Variants in FCHO1 observed in about 807,000 individuals in gnomAD.
The protein encoded by FCHO1 is F-BAR domain only protein 1.
A neutral mutation model predicts 114.4 loss-of-function variants in FCHO1; 45 were observed. The observed-to-expected ratio is 0.39, with a 90% CI of 0.31 to 0.50. FCHO1 has a LOEUF of 0.50. Ranked by LOEUF, FCHO1 falls within the 20% of genes least tolerant of loss-of-function variation. FCHO1 has a pLI of 0.77. For synonymous variants in FCHO1, 480 were observed against 488.9 expected (o/e 0.98, Z 0.24); for missense variants, 1,042 against 1,209.6 (o/e 0.86, Z 2.06).
rs760495681 is a variant in FCHO1, at chr19:17,784,848, C to T, written c.2350C>T (p.Pro784Ser). Residue 784 changes from proline (P) to serine (S), a missense_variant, in exon 26 of 29, where the codon CCA becomes TCA. Around this residue, in one of 3 missense-constraint regions of FCHO1, gnomAD observed 137 missense variants for 190.0 expected, o/e 0.72. Transcript: ENST00000596536. The surrounding 1 kb of genome is among the most constrained non-coding windows in gnomAD (Gnocchi z 5.3). ...GCCCGGTGCCACGGCTGTGCCCACACCACTCACGAACGTCCAGATCCTGCT... is the reference window on the plus strand; with the variant it reads ...GCCCGGTGCCACGGCTGTGCCCACATCACTCACGAACGTCCAGATCCTGCT... Reference protein sequence around the residue: ...YRPGATAVPTPLTNVQILLPV... With the variant: ...YRPGATAVPTSLTNVQILLPV... 7.7e-5 allele frequency: 124 copies of T among 1,613,786 alleles called. No individual in the cohort carries two copies. The highest frequency in any genetic ancestry group is 1.8e-4 in the South Asian group (16 of 91,096).
rs1433210035 is a variant in FCHO1, at chr19:17,754,590, A to C, written c.-137-2A>C. On this transcript the variant is annotated splice_acceptor_variant, in intron 2 of 28. Transcript: ENST00000596536. LOFTEE classifies it low-confidence loss of function (5UTR_SPLICE). Reference sequence around the variant, plus strand: ...ATTTCTCTTCAAACCCTTTTCCTGCAGGAGCTGCCTGGAGTGGAGCTGAGA... The same window carrying C: ...ATTTCTCTTCAAACCCTTTTCCTGCCGGAGCTGCCTGGAGTGGAGCTGAGA... 6.4e-6 allele frequency: 1 copy of C among 155,850 alleles called. No homozygotes were observed. The highest frequency in any genetic ancestry group is 1.4e-5 in the Non-Finnish European group (1 of 70,050). The allele number at this position is 155,850 out of a possible 1,614,324, so 9.7% of individuals were successfully genotyped here. A position where few individuals can be genotyped will look rare whatever the true frequency, so the allele number is the denominator to read the frequency against.
chr19:17,758,706 C>G (rs1012178806), intron 4 of FCHO1: 9 of 152,304 alleles, frequency 5.9e-5, no homozygotes, highest in Non-Finnish European at 1.2e-4. Context: ...AGTGTGGTGA[C>G]TCACGCCTGT....
chr19:17,756,433 G>T (rs1375842567), intron 4 of FCHO1, among the ~76,000 whole-genome samples: 2 of 152,182 alleles, frequency 1.3e-5, no homozygotes, highest in East Asian at 3.8e-4. Context: ...TGTGTGAGGC[G>T]TGCAGGCTCG....
In FCHO1 at chr19:17,784,373, G is replaced by A. The variant is rs761512514; in HGVS notation, c.2226+138G>A. On this transcript the variant is annotated intron_variant, in intron 25 of 28. Coordinates refer to ENST00000596536, the MANE Select transcript of FCHO1 (RefSeq NM_015122.3). This position sits in a 1 kb window ranked among gnomAD's most constrained non-coding sequence, Gnocchi z 5.3. ...TCAAGAGATCCAATCTGTGAGAGCC[G>A]ATGAGCTGGAGGGAGTAGGCAGTGT... 86 of 1,123,634 alleles carry A rather than the reference G, an allele frequency of 7.7e-5. No individual in the cohort carries two copies. Among genetic ancestry groups the A allele is most frequent in the Non-Finnish European group, 8.7e-5 (69 of 796,538 alleles). The allele number at this position is 1,123,634 out of a possible 1,614,324, so 69.6% of individuals were successfully genotyped here.
At position 17,775,812 on chromosome 19, in the gene FCHO1, G is replaced by A. The variant is rs866688724; in HGVS notation, c.1004-171G>A. On this transcript the variant is annotated intron_variant, in intron 15 of 28. Coordinates refer to ENST00000596536, the MANE Select transcript of FCHO1 (RefSeq NM_015122.3). This position sits in a 1 kb window ranked among gnomAD's most constrained non-coding sequence, Gnocchi z 5.1. ...ATGCTTGTGCAAAGGCTTCTCGGGG[G>A]GGGTGGGAGTGCTGGTGGGACATGG... Among the ~76,000 whole-genome samples, 39 of 152,054 alleles carry A rather than the reference G, an allele frequency of 2.6e-4. No homozygotes were observed. Among genetic ancestry groups the A allele is most frequent in the African/African-American group, 9.2e-4 (38 of 41,400 alleles).
At position 17,781,793 on chromosome 19, in the gene FCHO1, A is replaced by G; in HGVS notation, c.1910A>G (p.His637Arg). 2 of 1,608,446 alleles carry G rather than the reference A, an allele frequency of 1.2e-6. No individual in the cohort carries two copies. Among genetic ancestry groups the G allele is most frequent in the Non-Finnish European group, 1.7e-6 (2 of 1,177,408 alleles). ...PIATAFTEYV[H>R]AYFRGHSPSC... Reference sequence around the variant, plus strand: ...GCCACAGCCTTCACAGAGTATGTCCACGCCTACTTCCGTGGCCACAGCCCC... The same window carrying G: ...GCCACAGCCTTCACAGAGTATGTCCGCGCCTACTTCCGTGGCCACAGCCCC... The change falls in exon 23 of 29, where the codon CAC (histidine) becomes CGC (arginine). Residue 637 changes from histidine (H) to arginine (R), a missense_variant. His to Arg is a conservative substitution (Grantham distance 29). Coordinates refer to ENST00000596536, the MANE Select transcript of FCHO1 (RefSeq NM_015122.3).
At chr19:17,756,742 G>A (rs1300736406) in intron 4 of FCHO1, among the ~76,000 whole-genome samples, 2 of 152,188 alleles carry the variant, frequency 1.3e-5, no homozygotes, top group Non-Finnish European at 2.9e-5. Flanking sequence ...CGCCATAGAA[G>A]CCTGGTTCTT....
At chr19:17,762,401 T>C (rs1261928169) in intron 4 of FCHO1, among the ~76,000 whole-genome samples, 1 of 151,670 alleles carries the variant, frequency 6.6e-6, no homozygotes, top group Non-Finnish European at 1.5e-5. Context: ...TCCTCATTTA[T>C]GGAAAGACAC....
chr19:17,771,500 C>T (rs2091525824), intron 9 of FCHO1, among the ~76,000 whole-genome samples: 1 of 151,180 alleles, frequency 6.6e-6, no homozygotes, highest in South Asian at 2.1e-4. Flanking sequence ...AACCCCCTCT[C>T]TACTAAAAAT....
chr19:17,768,880 A>G (rs1599654708), intron 7 of FCHO1, among the ~76,000 whole-genome samples: 1 of 152,040 alleles, frequency 6.6e-6, no homozygotes, highest in African/African-American at 2.4e-5. Context: ...CGTGGTGTGC[A>G]TGCCTGTAGT....
At chr19:17,766,616 C>G in intron 6 of FCHO1, 53 bp from the exon 7 acceptor site, 1 of 1,609,842 alleles carries the variant, frequency 6.2e-7, no homozygotes, top group Non-Finnish European at 8.5e-7. Context: ...CCAGCGCTGT[C>G]CCGGGGTGGG....
chr19:17,786,741 C>A, intron 27 of FCHO1, 112 bp downstream of exon 27: 1 of 1,177,268 alleles, frequency 8.5e-7, no homozygotes, highest in Non-Finnish European at 1.2e-6. Flanking sequence ...CAAGTATGGG[C>A]ATTGAGGAAG....
rs1568337667 is a variant in FCHO1, at chr19:17,767,560, G to GTT, written c.336+751_336+752insTT. On this transcript the variant is annotated intron_variant, in intron 7 of 28. Transcript: ENST00000596536. The stretch of plus-strand genomic sequence containing the variant: ...CCAGCCTAGGCAACAGAGAAAGACT[G>GTT]TCTAAAAAAAAAAAAAAAAAAAACA... Among the ~76,000 whole-genome samples, 3 of 24,536 alleles carry GTT rather than the reference G, an allele frequency of 1.2e-4. 1 individual carries two copies. The highest frequency in any genetic ancestry group is 5.8e-4 in the African/African-American group (3 of 5,188). The allele number at this position is 24,536 out of a possible 152,430, so 16.1% of individuals were successfully genotyped here.
chr19:17,757,015 C>T (rs746396142), intron 4 of FCHO1, among the ~76,000 whole-genome samples: 5 of 151,902 alleles, frequency 3.3e-5, no homozygotes, highest in Admixed American at 6.6e-5. Context: ...ATGGCAAGAC[C>T]CCATCTCTAC....
chr19:17,778,290 T>C, intron 19 of FCHO1, 62 bp downstream of exon 19: 1 of 1,390,360 alleles, frequency 7.2e-7, no homozygotes, highest in Non-Finnish European at 1.0e-6. Flanking sequence ...GTGGGGCCAT[T>C]GCAGAGTTAG....
At chr19:17,767,563 TAAAAA>T (rs34862065) in intron 7 of FCHO1, among the ~76,000 whole-genome samples, 1 of 114,328 alleles carries the variant, frequency 8.7e-6, no homozygotes, top group Non-Finnish European at 1.7e-5. Context: ...AAAGACTGTC[TAAAAA>T]AAAAAAAAAA....
chr19:17,750,047 C>G (rs372698472), upstream of FCHO1, among the ~76,000 whole-genome samples: 5 of 152,170 alleles, frequency 3.3e-5, no homozygotes, highest in Admixed American at 1.3e-4. Context: ...GATGGGAGCT[C>G]GGGTCTTGCC....
At chr19:17,756,801 C>T (rs2083719385) in intron 4 of FCHO1, among the ~76,000 whole-genome samples, 3 of 152,162 alleles carry the variant, frequency 2.0e-5, no homozygotes, top group African/African-American at 4.8e-5. Flanking sequence ...GCCCCAGTCT[C>T]ATTGCGCCAG....
rs746413206 is a variant in FCHO1 at position 17,778,123 on chromosome 19, C to T, written c.1260-14C>T. ...GAAAAATAGAAGCAGCCCTCTTGGC[C>T]TCACCCTCTCTAGCTGTGCAGAGAG... On this transcript the variant is annotated splice_polypyrimidine_tract_variant and intron_variant, in intron 18 of 28. Transcript: ENST00000596536. 6.2e-7 allele frequency: 1 copy of T among 1,607,166 alleles called. No homozygotes were observed. Among genetic ancestry groups the T allele is most frequent in the Admixed American group, 1.7e-5 (1 of 60,010 alleles).
Sources: gnomAD v4.1 joint callset for allele counts (sites outside exome capture counted in the v4.1 genomes callset) on GRCh38, gnomAD v4.1.1 for gene constraint, gnomAD v4.1.1 regional missense constraint, Gnocchi (gnomAD v3.1) non-coding constraint, MANE v1.5 for transcripts, NCBI Gene and HGNC (gene_info 2026-07-23, HGNC 2026-07-21) for gene names.